Variants in NBEA observed in about 807,000 individuals in gnomAD.
NBEA encodes lysosomal-trafficking regulator 2.
NBEA carries 44 observed loss-of-function variants against 343.4 expected under a neutral mutation model. The ratio of observed to expected loss-of-function variants is 0.13; its 90% confidence interval spans 0.10 to 0.16. The LOEUF is 0.16. Ranked by LOEUF, NBEA falls within the 10% of genes least tolerant of loss-of-function variation. NBEA has a pLI of 1.00. For missense variants in NBEA, 2,555 were observed against 3,631.3 expected, an observed-to-expected ratio of 0.70 and a Z score of 7.62; for synonymous variants, 1,175 against 1,238.7, an observed-to-expected ratio of 0.95 and a Z score of 1.08.
intron 38 of NBEA, among the ~76,000 whole-genome samples, chr13:35,426,506 A>G (rs545894173): frequency 3.9e-5 from 6 of 152,322 alleles, no homozygotes; most frequent in Non-Finnish European, 7.4e-5. Context: ...AGTTTCTGCC[A>G]AGAGATCAGC....
At chr13:34,968,820 GAGTA>G (rs2152497209) in intron 1 of NBEA, among the ~76,000 whole-genome samples, 1 of 152,110 alleles carries the variant, frequency 6.6e-6, no homozygotes, top group African/African-American at 2.4e-5. Context: ...CTATGAGAGT[GAGTA>G]AGGAACTTTT....
intron 38 of NBEA, among the ~76,000 whole-genome samples, chr13:35,423,740 C>A (rs1157567916): frequency 6.6e-6 from 1 of 152,106 alleles, no homozygotes; most frequent in Non-Finnish European, 1.5e-5. Context: ...TTACCTTGGG[C>A]AGTATGGCCA....
At chr13:35,155,695 C>A (rs1192471849) in intron 18 of NBEA, 79 bp from the exon 19 acceptor site, 8 of 1,070,514 alleles carry the variant, frequency 7.5e-6, no homozygotes, top group East Asian at 2.5e-5. Flanking sequence ...ATTTCTTTTG[C>A]AGGTTCATTG....
intron 33 of NBEA, among the ~76,000 whole-genome samples, chr13:35,223,753 G>A (rs896945899): frequency 6.6e-6 from 1 of 151,952 alleles, no homozygotes; most frequent in African/African-American, 2.4e-5. Flanking sequence ...GTTTTCTATT[G>A]CTAGAATAAC....
intron 45 of NBEA, among the ~76,000 whole-genome samples, chr13:35,571,010 C>T (rs192722620): frequency 6.6e-6 from 1 of 152,194 alleles, no homozygotes; most frequent in Admixed American, 6.5e-5. Flanking sequence ...AATTGAAATA[C>T]TTGAATGATA....
At chr13:35,088,518 T>A (rs1029171206) in intron 10 of NBEA, among the ~76,000 whole-genome samples, 2 of 151,938 alleles carry the variant, frequency 1.3e-5, no homozygotes, top group East Asian at 3.9e-4. Flanking sequence ...TGCAAGGTGA[T>A]GTTTTTAGTA....
intron 11 of NBEA, among the ~76,000 whole-genome samples, chr13:35,108,826 A>G (rs1484674583): frequency 2.0e-5 from 3 of 152,138 alleles, no homozygotes; most frequent in African/African-American, 7.2e-5. Flanking sequence ...AAAGCATACT[A>G]TATCATCCAA....
At chr13:35,432,911 T>C (rs776257957) in intron 39 of NBEA, among the ~76,000 whole-genome samples, 6 of 152,042 alleles carry the variant, frequency 3.9e-5, no homozygotes, top group Non-Finnish European at 8.8e-5. Context: ...AAAAGTTTTA[T>C]TTATAACCTC....
intron 54 of NBEA, 51 bp downstream of exon 54, chr13:35,655,061 A>AT: frequency 7.4e-7 from 1 of 1,345,604 alleles, no homozygotes. Context: ...CTATTGTTAA[A>AT]ACCAAAGCTG....
chr13:35,402,747 A>T (rs535807922), intron 38 of NBEA, among the ~76,000 whole-genome samples: 2 of 152,272 alleles, frequency 1.3e-5, no homozygotes, highest in African/African-American at 2.4e-5. Context: ...TGTCTCATAA[A>T]TATCAGAAAG....
At chr13:34,974,287 C>A (rs1328969248) in intron 1 of NBEA, among the ~76,000 whole-genome samples, 2 of 152,138 alleles carry the variant, frequency 1.3e-5, no homozygotes, top group African/African-American at 4.8e-5. Flanking sequence ...AGCCATGCAC[C>A]ATTGCTGCTT....
intron 49 of NBEA, among the ~76,000 whole-genome samples, chr13:35,630,722 C>CG (rs1402785099): frequency 6.6e-6 from 1 of 152,074 alleles, no homozygotes; most frequent in Non-Finnish European, 1.5e-5. Context: ...TGTGAAGGAG[C>CG]GCATACCTGG....
At chr13:34,956,174 T>A (rs1380809424) in intron 1 of NBEA, among the ~76,000 whole-genome samples, 1 of 152,222 alleles carries the variant, frequency 6.6e-6, no homozygotes, top group Admixed American at 6.5e-5. Context: ...ATTTTGAGTA[T>A]ATTGTAATTC....
intron 38 of NBEA, among the ~76,000 whole-genome samples, chr13:35,384,752 C>T (rs1487080752): frequency 6.6e-6 from 1 of 152,100 alleles, no homozygotes; most frequent in East Asian, 1.9e-4. Flanking sequence ...TCTTGAACTC[C>T]TGACCTCTGG....
intron 41 of NBEA, among the ~76,000 whole-genome samples, chr13:35,483,404 C>T (rs2076192198): frequency 6.6e-6 from 1 of 151,718 alleles, no homozygotes; most frequent in African/African-American, 2.4e-5. Context: ...ATTAACCTTC[C>T]CTTTGAGTGG....
At chr13:35,373,361 T>C (rs1225226426) in intron 38 of NBEA, among the ~76,000 whole-genome samples, 2 of 152,184 alleles carry the variant, frequency 1.3e-5, no homozygotes, top group African/African-American at 4.8e-5. Context: ...GTTATATGTG[T>C]TATATACTGT....
chr13:35,044,865 C>A, intron 2 of NBEA, 82 bp from the exon 3 acceptor site: 13 of 906,628 alleles, frequency 1.4e-5, no homozygotes, highest in Non-Finnish European at 1.3e-5. Context: ...ACAATGATAA[C>A]TTTTTTCTTT....
chr13:35,510,105 A>G (rs1229289309), intron 41 of NBEA, among the ~76,000 whole-genome samples: 2 of 152,188 alleles, frequency 1.3e-5, no homozygotes, highest in Non-Finnish European at 2.9e-5. Context: ...AACATTTGAA[A>G]TGGGTTTGTA....
chr13:35,330,889 A>T (rs988692750), intron 36 of NBEA, among the ~76,000 whole-genome samples: 1 of 152,132 alleles, frequency 6.6e-6, no homozygotes, highest in African/African-American at 2.4e-5. Flanking sequence ...TACATATACC[A>T]TCATTATGCC....
Sources: gnomAD v4.1 joint callset for allele counts (sites outside exome capture counted in the v4.1 genomes callset) on GRCh38, gnomAD v4.1.1 for gene constraint, MANE v1.5 for transcripts, NCBI Gene and HGNC (gene_info 2026-07-23, HGNC 2026-07-21) for gene names.